The following TAOK1 variants were observed in gnomAD, a reference collection of about 807,000 sequenced individuals.
The protein encoded by TAOK1 is serine/threonine-protein kinase TAO1.
Under a neutral mutation model 138.3 loss-of-function variants are expected in TAOK1, and 21 were observed. The ratio of observed to expected loss-of-function variants is 0.15; its 90% CI spans 0.11 to 0.22. TAOK1 has a LOEUF of 0.22. Ranked by LOEUF, TAOK1 falls within the 10% of genes least tolerant of loss-of-function variation. TAOK1 has a pLI of 1.00. For synonymous variants in TAOK1, 361 were observed against 398.4 expected (o/e 0.91, Z 1.12); for missense variants, 651 against 1,227.7 (o/e 0.53, Z 7.02).
At chr17:29,463,639 T>A (rs188568184) in intron 2 of TAOK1, among the ~76,000 whole-genome samples, 7 of 152,134 alleles carry the variant, frequency 4.6e-5, no homozygotes, top group African/African-American at 1.7e-4. Flanking sequence ...TATAATACTC[T>A]TAGAAGAAAA....
chr17:29,417,197 T>C (rs914034029), intron 1 of TAOK1, among the ~76,000 whole-genome samples: 5 of 152,104 alleles, frequency 3.3e-5, no homozygotes, highest in African/African-American at 4.8e-5. Flanking sequence ...GTATTTTTTA[T>C]TAGTAAGGGG....
At position 29,451,672 on chromosome 17, in the gene TAOK1, G is replaced by C; in HGVS notation, c.124G>C (p.Val42Leu). The C allele has an allele frequency of 6.2e-7, 1 of 1,612,878 alleles. No homozygotes were observed. Among genetic ancestry groups the C allele is most frequent in the Non-Finnish European group, 8.5e-7 (1 of 1,179,486 alleles). The change falls in exon 2 of 20, where the codon GTG becomes CTG. Residue 42 changes from valine to leucine, a missense_variant. Val to Leu is a conservative substitution (Grantham distance 32). This residue lies in a region of TAOK1 where 116 missense variants were observed against 213.9 expected (regional missense o/e 0.54). Coordinates refer to ENST00000261716, the MANE Select transcript of TAOK1 (RefSeq NM_020791.4). ...AATTGGCCATGGAAGCTTTGGAGCAGTGTATTTTGTAAGTGTTAGTGGCTT... is the reference window on the plus strand; with the variant it reads ...AATTGGCCATGGAAGCTTTGGAGCACTGTATTTTGTAAGTGTTAGTGGCTT... ...REIGHGSFGA[V>L]YFARDVRTNE...
At chr17:29,406,093 T>C (rs1217833981) in intron 1 of TAOK1, among the ~76,000 whole-genome samples, 1 of 152,164 alleles carries the variant, frequency 6.6e-6, no homozygotes, top group Admixed American at 6.6e-5. Context: ...CGTGGTAGTA[T>C]TGACATTTTG....
At chr17:29,534,322 A>AT in intron 19 of TAOK1, 22 bp downstream of exon 19, 1 of 1,492,058 alleles carries the variant, frequency 6.7e-7, no homozygotes, top group Non-Finnish European at 8.9e-7. Flanking sequence ...AGAAGGAAAA[A>AT]TCATTGTTTT....
chr17:29,485,890 A>C (rs2153027191), intron 8 of TAOK1, among the ~76,000 whole-genome samples: 1 of 152,222 alleles, frequency 6.6e-6, no homozygotes, highest in Non-Finnish European at 1.5e-5. Context: ...TTTCCTCTTG[A>C]GTTTTGGAGG....
intron 2 of TAOK1, among the ~76,000 whole-genome samples, chr17:29,462,161 C>T (rs1038645213): frequency 2.6e-5 from 4 of 152,180 alleles, no homozygotes; most frequent in Non-Finnish European, 5.9e-5. Context: ...TAACACACTT[C>T]TGAATTTTAA....
At chr17:29,504,276 C>CAA (rs71138826) in intron 13 of TAOK1, among the ~76,000 whole-genome samples, 491 of 40,176 alleles carry the variant, frequency 0.012, 6 homozygotes, top group Middle Eastern at 0.033. Context: ...GACCCTGTCT[C>CAA]AAAAAAAAAA....
rs375797192 is a variant in TAOK1 at position 29,477,681 on chromosome 17, A to G, written c.327A>G (p.Leu109=). The G allele has an allele frequency of 7.1e-7, 1 of 1,411,932 alleles. No individual in the cohort carries two copies. Among genetic ancestry groups the G allele is most frequent in the Non-Finnish European group, 9.3e-7 (1 of 1,071,772 alleles). 87.5% of individuals were successfully genotyped at this position (1,411,932 alleles called of 1,614,324 possible). ...HTAWLVMEYC[L]GSASDLLEVH... Reference sequence around the variant, plus strand: ...TGTAGCTTGTAATGGAATATTGTTTAGGATCTGCTTCGGATTTACTAGAAG... The same window carrying G: ...TGTAGCTTGTAATGGAATATTGTTTGGGATCTGCTTCGGATTTACTAGAAG... The change falls in exon 5 of 20, where the codon TTA becomes TTG. Residue 109 remains leucine, a synonymous_variant. Transcript: ENST00000261716.
chr17:29,488,576 A>AAATAAC (rs1555564495), intron 8 of TAOK1, among the ~76,000 whole-genome samples: 1 of 145,482 alleles, frequency 6.9e-6, no homozygotes, highest in African/African-American at 2.5e-5. Context: ...ACATCTCAAA[A>AAATAAC]AATAATAATA....
At chr17:29,423,073 T>C (rs1041205236) in intron 1 of TAOK1, among the ~76,000 whole-genome samples, 1 of 151,824 alleles carries the variant, frequency 6.6e-6, no homozygotes, top group African/African-American at 2.4e-5. Flanking sequence ...CTTTTCTTTA[T>C]TGGTTTCTTT....
intron 8 of TAOK1, among the ~76,000 whole-genome samples, 181 bp from the exon 9 acceptor site, chr17:29,489,483 G>A (rs556305800): frequency 1.3e-5 from 2 of 151,730 alleles, no homozygotes; most frequent in Non-Finnish European, 2.9e-5. Context: ...GGGTGACAGA[G>A]CAAGACCCTA....
At chr17:29,418,669 T>G (rs1425904457) in intron 1 of TAOK1, among the ~76,000 whole-genome samples, 1 of 152,208 alleles carries the variant, frequency 6.6e-6, no homozygotes, top group Admixed American at 6.6e-5. Context: ...TGTAGATTAC[T>G]TATAATACTA....
intron 1 of TAOK1, among the ~76,000 whole-genome samples, chr17:29,409,333 A>ATATATT (rs1348702470): frequency 9.8e-4 from 58 of 59,018 alleles, no homozygotes; most frequent in African/African-American, 3.3e-3. Flanking sequence ...ATATATATAT[A>ATATATT]TTTTTTTTTT....
At chr17:29,495,986 C>T (rs1202282727) in intron 11 of TAOK1, among the ~76,000 whole-genome samples, 1 of 152,096 alleles carries the variant, frequency 6.6e-6, no homozygotes, top group African/African-American at 2.4e-5. Flanking sequence ...CTTTATGGTA[C>T]ACAATGTCAT....
At chr17:29,498,956 A>C (rs1231600625) in intron 12 of TAOK1, among the ~76,000 whole-genome samples, 1 of 152,068 alleles carries the variant, frequency 6.6e-6, no homozygotes, top group Non-Finnish European at 1.5e-5. Flanking sequence ...ACATTTTTTA[A>C]TGGAAAAAGC....
At chr17:29,395,208 C>T (rs1598461599) in intron 1 of TAOK1, among the ~76,000 whole-genome samples, 2 of 152,250 alleles carry the variant, frequency 1.3e-5, no homozygotes, top group African/African-American at 2.4e-5. Context: ...CATGCCACCG[C>T]ACTCTAGCCT....
chr17:29,479,391 A>G (rs1598498929), intron 6 of TAOK1, among the ~76,000 whole-genome samples: 1 of 152,290 alleles, frequency 6.6e-6, no homozygotes, highest in East Asian at 1.9e-4. Flanking sequence ...ATTTTTTAAC[A>G]TGAGGATAAG....
intron 1 of TAOK1, among the ~76,000 whole-genome samples, chr17:29,428,834 C>T (rs1047147449): frequency 1.3e-5 from 2 of 151,424 alleles, no homozygotes; most frequent in Non-Finnish European, 2.9e-5. Context: ...CACCATGTTG[C>T]CCAGGCTTGT....
intron 1 of TAOK1, among the ~76,000 whole-genome samples, chr17:29,447,955 CTTTTTTTTTTT>C (rs56163080): frequency 2.1e-5 from 2 of 93,272 alleles, no homozygotes; most frequent in Non-Finnish European, 4.1e-5. Context: ...TGCACCTGGT[CTTTTTTTTTTT>C]TTTTTTTTTT....
Sources: allele counts gnomAD v4.1 joint callset (sites outside exome capture counted in the v4.1 genomes callset), GRCh38; gene constraint gnomAD v4.1.1; regional missense constraint gnomAD v4.1.1; transcripts MANE v1.5; gene names NCBI Gene and HGNC (gene_info 2026-07-23, HGNC 2026-07-21).